The following GSE1 variants were observed in gnomAD, a reference collection of about 807,000 sequenced individuals.
The protein encoded by GSE1 is Gse1 coiled-coil protein.
Under a neutral mutation model 112.6 loss-of-function variants are expected in GSE1, and 32 were observed. That is an observed-to-expected ratio of 0.28 (90% confidence interval 0.21 to 0.38). The LOEUF (loss-of-function observed/expected upper bound fraction) is 0.38, where lower values mean the gene tolerates loss of function less well. Ranked by LOEUF, GSE1 falls within the 10% of genes least tolerant of loss-of-function variation. The probability of loss-of-function intolerance (pLI) is 1.00; values close to 1 mark genes in which losing one functional copy is unlikely to be tolerated. For missense variants in GSE1, 2,348 were observed against 1,699.2 expected, an observed-to-expected ratio of 1.38 and a Z score of -6.71; for synonymous variants, 1,115 against 735.6, an observed-to-expected ratio of 1.52 and a Z score of -8.35.
At chr16:85,569,005 T>C (rs1256049541) in intron 1 of GSE1, among the ~76,000 whole-genome samples, 1 of 152,178 alleles carries the variant, frequency 6.6e-6, no homozygotes, top group East Asian at 1.9e-4. Context: ...TTCTGGAGTA[T>C]GATCATGGTT....
intron 1 of GSE1, among the ~76,000 whole-genome samples, chr16:85,271,273 G>C (rs6564114): frequency 0.73 from 111,177 of 152,074 alleles, 41,519 homozygotes; most frequent in African/African-American, 0.89. Flanking sequence ...GTGACTGGCT[G>C]AAGCCCACCC....
intron 1 of GSE1, among the ~76,000 whole-genome samples, chr16:85,307,346 A>C (rs1031232720): frequency 1.3e-5 from 2 of 152,106 alleles, no homozygotes; most frequent in African/African-American, 2.4e-5. Context: ...AGCTTCTAAG[A>C]TCACCTTCAC....
At chr16:85,436,342 C>G (rs2049245728) in intron 2 of GSE1, among the ~76,000 whole-genome samples, 1 of 152,224 alleles carries the variant, frequency 6.6e-6, no homozygotes, top group Admixed American at 6.5e-5. Context: ...GACACTGTCT[C>G]CGGCCACTGT....
At chr16:85,623,729 G>T (rs1019006688) in intron 1 of GSE1, among the ~76,000 whole-genome samples, 1 of 152,176 alleles carries the variant, frequency 6.6e-6, no homozygotes, top group Admixed American at 6.5e-5. Flanking sequence ...ACGTTTTCCA[G>T]TCATCACCAT....
intron 1 of GSE1, among the ~76,000 whole-genome samples, chr16:85,232,504 T>C (rs925869733): frequency 1.3e-5 from 2 of 152,072 alleles, no homozygotes; most frequent in African/African-American, 4.8e-5. Flanking sequence ...CCTGGTGGCT[T>C]TTCCTGCTCA....
intron 2 of GSE1, among the ~76,000 whole-genome samples, chr16:85,492,352 T>A (rs1432922883): frequency 6.6e-6 from 1 of 152,170 alleles, no homozygotes; most frequent in African/African-American, 2.4e-5. Flanking sequence ...CCATCCCTGT[T>A]TGAGTCCCCC....
intron 1 of GSE1, among the ~76,000 whole-genome samples, chr16:85,191,195 G>A (rs941947843): frequency 1.3e-5 from 2 of 152,166 alleles, no homozygotes; most frequent in Non-Finnish European, 2.9e-5. Flanking sequence ...GGGAAGCAGA[G>A]GCTGCAGTGA....
At chr16:85,521,045 G>A (rs757349124) in intron 2 of GSE1, among the ~76,000 whole-genome samples, 6 of 152,102 alleles carry the variant, frequency 3.9e-5, no homozygotes, top group African/African-American at 7.2e-5. Context: ...CCAACGAGCC[G>A]GTTTGTCTGG....
At chr16:85,592,583 AAC>A (rs1170484422) in intron 1 of GSE1, 2 of 152,238 alleles carry the variant, frequency 1.3e-5, no homozygotes, top group African/African-American at 4.8e-5. Flanking sequence ...CTTCTGCTTA[AAC>A]ACACGGCAGA....
chr16:85,368,438 C>A lies in GSE1; in HGVS notation c.2464+10795C>A, dbSNP rs557035171. On this transcript the variant is annotated intron_variant, in intron 2 of 2. Coordinates refer to the GSE1 transcript ENST00000637419. Reference sequence around the variant, plus strand: ...ATACAATTCTGACCAGGCACGGTGGCTCCTGCCTGTAATCCCAGCTCTTTG... The same window carrying A: ...ATACAATTCTGACCAGGCACGGTGGATCCTGCCTGTAATCCCAGCTCTTTG... 1.5e-3 allele frequency among the ~76,000 whole-genome samples: 225 copies of A among 152,280 alleles called. 1 individual carries two copies. Among genetic ancestry groups the A allele is most frequent in the African/African-American group, 5.4e-3 (223 of 41,584 alleles).
At chr16:85,664,152 A>G (rs549993287) in intron 11 of GSE1, among the ~76,000 whole-genome samples, 2 of 152,348 alleles carry the variant, frequency 1.3e-5, no homozygotes, top group Admixed American at 6.5e-5. Context: ...TCCATATAGC[A>G]GAAGAAACAA....
Position 85,666,201 on chromosome 16 carries a change from C to G in GSE1, c.2984C>G (p.Ala995Gly), listed in dbSNP as rs749823481. ...SLSMLHYIRG[A>G]APKDIPVPLS... ...AGCATGCTTCACTATATCCGGGGCG[C>G]TGCACCCAAGGACATTCCTGTGCCG... The change falls in exon 13 of 16, where the codon GCT becomes GGT. Residue 995 changes from alanine to glycine, a missense_variant. Transcript: ENST00000253458. 1 of 1,613,518 alleles carries G rather than the reference C, an allele frequency of 6.2e-7. No individual in the cohort carries two copies. Among genetic ancestry groups the G allele is most frequent in the Non-Finnish European group, 8.5e-7 (1 of 1,180,048 alleles).
chr16:85,660,963 T>G (rs2052379661), intron 8 of GSE1, among the ~76,000 whole-genome samples, 183 bp from the exon 9 acceptor site: 1 of 151,992 alleles, frequency 6.6e-6, no homozygotes, highest in South Asian at 2.1e-4. Flanking sequence ...AAAGAGAAAA[T>G]GAAAGACAGA....
upstream of GSE1, chr16:85,555,237 C>T (rs1396034920): frequency 2.0e-6 from 2 of 985,314 alleles, no homozygotes; most frequent in Non-Finnish European, 2.4e-6. Flanking sequence ...GAAAATTGAT[C>T]GAGGGGCTCT....
chr16:85,220,541 A>T (rs887217191), intron 1 of GSE1, among the ~76,000 whole-genome samples: 2 of 152,180 alleles, frequency 1.3e-5, no homozygotes, highest in African/African-American at 2.4e-5. Context: ...AAATTTTTCA[A>T]TGACTTTGGT....
chr16:85,320,534 A>C (rs2046084195), intron 1 of GSE1, among the ~76,000 whole-genome samples: 1 of 152,026 alleles, frequency 6.6e-6, no homozygotes, highest in Admixed American at 6.6e-5. Flanking sequence ...GGCTCAAGTG[A>C]TCCTTCCACC....
At chr16:85,436,794 C>T (rs1168015019) in intron 2 of GSE1, among the ~76,000 whole-genome samples, 3 of 152,226 alleles carry the variant, frequency 2.0e-5, no homozygotes, top group South Asian at 4.1e-4. Context: ...GGACCCCACG[C>T]GCGCTGCCAG....
In GSE1 at chr16:85,672,438, G is replaced by C. The variant is rs763162724; in HGVS notation, c.3553G>C (p.Glu1185Gln). 13 of 1,612,160 alleles carry C rather than the reference G, an allele frequency of 8.1e-6. No homozygotes were observed. The highest frequency in any genetic ancestry group is 1.1e-5 in the Non-Finnish European group (13 of 1,178,558). Residue 1185 changes from glutamate (E) to glutamine (Q), a missense_variant, in exon 16 of 16, where the codon GAA (glutamate) becomes CAA (glutamine). Coordinates refer to ENST00000253458, the MANE Select transcript of GSE1 (RefSeq NM_014615.5). Reference protein sequence around the residue: ...LRSQKQKMVSERERLQAELDH... With the variant: ...LRSQKQKMVSQRERLQAELDH... ...GAGCCAGAAACAGAAGATGGTCTCAGAAAGGGAGCGGCTCCAGGCAGAACT... is the reference window on the plus strand; with the variant it reads ...GAGCCAGAAACAGAAGATGGTCTCACAAAGGGAGCGGCTCCAGGCAGAACT...
intron 2 of GSE1, among the ~76,000 whole-genome samples, chr16:85,361,761 C>T (rs1015863595): frequency 1.3e-5 from 2 of 152,226 alleles, no homozygotes; most frequent in African/African-American, 2.4e-5. Context: ...CAGGGAAACA[C>T]GTGGCCGTCA....
Sources: gnomAD v4.1 joint callset for allele counts (sites outside exome capture counted in the v4.1 genomes callset) on GRCh38, gnomAD v4.1.1 for gene constraint, MANE v1.5 for transcripts, NCBI Gene and HGNC (gene_info 2026-07-23, HGNC 2026-07-21) for gene names.